Variants in NSMCE2 observed in about 807,000 individuals in gnomAD.
NSMCE2 encodes E3 SUMO-protein ligase NSE2.
NSMCE2 carries 24 observed loss-of-function variants against 23.8 expected under a neutral mutation model. That is an observed-to-expected ratio of 1.01 (90% CI 0.73 to 1.42). The LOEUF (loss-of-function observed/expected upper bound fraction) is 1.42. NSMCE2 is among the 40% of genes most tolerant of loss of function. NSMCE2 has a pLI of 0.00. For synonymous variants in NSMCE2, 92 were observed against 94.1 expected (o/e 0.98, Z 0.13); for missense variants, 284 against 296.5 (o/e 0.96, Z 0.31).
chr8:125,292,807 G>C (rs1369282307), intron 5 of NSMCE2, among the ~76,000 whole-genome samples: 1 of 152,140 alleles, frequency 6.6e-6, no homozygotes, highest in African/African-American at 2.4e-5. Flanking sequence ...ATCAGAATGG[G>C]GGTAGTGTGT....
intron 4 of NSMCE2, among the ~76,000 whole-genome samples, chr8:125,161,985 C>T (rs1821652750): frequency 6.6e-6 from 1 of 152,038 alleles, no homozygotes; most frequent in South Asian, 2.1e-4. Context: ...CTGTTGGTAC[C>T]ACGAAGCAAG....
intron 3 of NSMCE2, among the ~76,000 whole-genome samples, chr8:125,133,133 A>C: frequency 6.6e-6 from 1 of 152,238 alleles, no homozygotes; most frequent in East Asian, 1.9e-4. Flanking sequence ...TTTAAAATCC[A>C]TTTTAAATTA....
chr8:125,133,905 A>G (rs1303363486), intron 3 of NSMCE2, among the ~76,000 whole-genome samples: 1 of 152,188 alleles, frequency 6.6e-6, no homozygotes, highest in African/African-American at 2.4e-5. Flanking sequence ...TTTATCACTA[A>G]TCAGAATCAC....
intron 5 of NSMCE2, among the ~76,000 whole-genome samples, chr8:125,231,037 C>A (rs1825299862): frequency 6.6e-6 from 1 of 152,138 alleles, no homozygotes; most frequent in African/African-American, 2.4e-5. Flanking sequence ...ATTCTAGTAT[C>A]TGATTTTCTA....
intron 5 of NSMCE2, among the ~76,000 whole-genome samples, chr8:125,356,569 C>T (rs1012902757): frequency 3.9e-5 from 6 of 152,120 alleles, no homozygotes; most frequent in Non-Finnish European, 7.4e-5. Flanking sequence ...CCTCGTGATC[C>T]GCCCACCTCA....
At chr8:125,298,698 T>G (rs899986444) in intron 5 of NSMCE2, among the ~76,000 whole-genome samples, 19 of 20,672 alleles carry the variant, frequency 9.2e-4, no homozygotes, top group Non-Finnish European at 1.4e-3. Flanking sequence ...TTTTTTTTTG[T>G]TTTTTTTTTT....
At chr8:125,239,124 G>T (rs949819872) in intron 5 of NSMCE2, among the ~76,000 whole-genome samples, 1 of 152,082 alleles carries the variant, frequency 6.6e-6, no homozygotes, top group African/African-American at 2.4e-5. Context: ...GGCAAGGTTG[G>T]TTTCATGGAC....
intron 5 of NSMCE2, among the ~76,000 whole-genome samples, chr8:125,281,925 T>C (rs961324771): frequency 1.3e-5 from 2 of 151,870 alleles, no homozygotes; most frequent in Non-Finnish European, 2.9e-5. Context: ...TACTTCCTAA[T>C]CTCCCTCCAT....
intron 4 of NSMCE2, among the ~76,000 whole-genome samples, chr8:125,153,879 G>C (rs1273841484): frequency 6.6e-6 from 1 of 152,048 alleles, no homozygotes; most frequent in African/African-American, 2.4e-5. Flanking sequence ...CTTCTAAAAA[G>C]CAAGTATTTT....
At chr8:125,124,807 T>C (rs1302301585) in intron 3 of NSMCE2, among the ~76,000 whole-genome samples, 2 of 151,938 alleles carry the variant, frequency 1.3e-5, no homozygotes, top group Non-Finnish European at 2.9e-5. Flanking sequence ...GTTGTTGTTG[T>C]TTTTTGAGAC....
At chr8:125,168,141 T>C (rs1016544658) in intron 4 of NSMCE2, among the ~76,000 whole-genome samples, 1 of 152,222 alleles carries the variant, frequency 6.6e-6, no homozygotes, top group Admixed American at 6.5e-5. Context: ...GTGGACTACT[T>C]ATGAGTTTAA....
chr8:125,336,584 G>A (rs895590758), intron 5 of NSMCE2, among the ~76,000 whole-genome samples: 1 of 152,224 alleles, frequency 6.6e-6, no homozygotes, highest in African/African-American at 2.4e-5. Context: ...TTTGTTGGGT[G>A]ATACTGCTGC....
chr8:125,285,945 C>T (rs111953467), intron 5 of NSMCE2, among the ~76,000 whole-genome samples: 3,720 of 151,948 alleles, frequency 0.024, 159 homozygotes, highest in African/African-American at 0.084. Context: ...TTGACCTGAC[C>T]AAAACTTGAG....
intron 5 of NSMCE2, among the ~76,000 whole-genome samples, chr8:125,324,732 G>T (rs1586770375): frequency 9.4e-6 from 1 of 105,848 alleles, no homozygotes; most frequent in African/African-American, 2.7e-5. Context: ...CCGCCACTAC[G>T]CCCGGCTAAT....
At chr8:125,103,003 C>G (rs1161249474) in intron 3 of NSMCE2, among the ~76,000 whole-genome samples, 1 of 152,162 alleles carries the variant, frequency 6.6e-6, no homozygotes, top group South Asian at 2.1e-4. Context: ...TGCAGTGGCT[C>G]ACCCCTGTAA....
In NSMCE2 at chr8:125,340,017, T is replaced by TTG. The variant is rs1554640794; in HGVS notation, c.419-17201_419-17200insGT. ...CGACGTTGTAGTTTTTTTTTGTTTT[T>TTG]TTTTTTTTTTTTTTTGAGACGGAGT... On this transcript the variant is annotated intron_variant, in intron 5 of 7. Transcript: ENST00000287437. Among the ~76,000 whole-genome samples, 774 of 102,594 alleles carry TTG rather than the reference T, an allele frequency of 7.5e-3. 11 individuals are homozygous for TTG. Among genetic ancestry groups the TTG allele is most frequent in the African/African-American group, 0.02 (699 of 35,224 alleles). The allele number at this position is 102,594 out of a possible 152,430, so 67.3% of individuals were successfully genotyped here.
At chr8:125,205,238 A>G (rs750927823) in intron 5 of NSMCE2, among the ~76,000 whole-genome samples, 1 of 152,236 alleles carries the variant, frequency 6.6e-6, no homozygotes, top group Non-Finnish European at 1.5e-5. Context: ...CATGTCTACA[A>G]TGTGAGACCT....
chr8:125,109,033 A>T (rs1818603968), intron 3 of NSMCE2, among the ~76,000 whole-genome samples: 1 of 152,228 alleles, frequency 6.6e-6, no homozygotes, highest in Non-Finnish European at 1.5e-5. Context: ...GTGGCCAAAG[A>T]GGAGATTATG....
rs1391711444 is a variant in NSMCE2, at chr8:125,324,703, T to A, written c.419-32516T>A. Among the ~76,000 whole-genome samples, 7 of 100,390 alleles carry A rather than the reference T, an allele frequency of 7.0e-5. 2 individuals are homozygous for A. The highest frequency in any genetic ancestry group is 1.7e-4 in the Non-Finnish European group (7 of 42,104). 65.9% of individuals were successfully genotyped at this position (100,390 alleles called of 152,430 possible). Reference sequence around the variant, plus strand: ...CATTCTCCTGCCTCAGCCTCCCGAGTAGCTGGGACTACAGGCGCCCGCCAC... The same window carrying A: ...CATTCTCCTGCCTCAGCCTCCCGAGAAGCTGGGACTACAGGCGCCCGCCAC... On this transcript the variant is annotated intron_variant, in intron 5 of 7. Transcript: ENST00000287437.
Sources: allele counts gnomAD v4.1 joint callset (sites outside exome capture counted in the v4.1 genomes callset), GRCh38; gene constraint gnomAD v4.1.1; transcripts MANE v1.5; gene names NCBI Gene and HGNC (gene_info 2026-07-23, HGNC 2026-07-21).